The following TAFA4 variants were observed in gnomAD, a reference collection of about 807,000 sequenced individuals.
The protein encoded by TAFA4 is chemokine-like protein TAFA-4.
A neutral mutation model predicts 21.1 loss-of-function variants in TAFA4; 20 were observed. The observed-to-expected ratio is 0.95, with a 90% CI of 0.67 to 1.38. The LOEUF (loss-of-function observed/expected upper bound fraction) is 1.38, where lower values mean the gene tolerates loss of function less well. TAFA4 is among the 40% of genes most tolerant of loss of function. The pLI, the probability that TAFA4 is intolerant of heterozygous loss-of-function variation, is 0.00. For missense variants in TAFA4, 211 were observed against 180.9 expected, an observed-to-expected ratio of 1.17 and a Z score of -0.95; for synonymous variants, 71 against 67.4, an observed-to-expected ratio of 1.05 and a Z score of -0.26.
intron 3 of TAFA4, among the ~76,000 whole-genome samples, chr3:68,870,220 C>T (rs1277356442): frequency 1.2e-4 from 18 of 151,852 alleles, no homozygotes; most frequent in Non-Finnish European, 2.7e-4. Context: ...AAAAAAGAAA[C>T]ACGCCTATAC....
intron 1 of TAFA4, among the ~76,000 whole-genome samples, chr3:68,919,403 C>T (rs749734480): frequency 6.6e-6 from 1 of 152,088 alleles, no homozygotes; most frequent in African/African-American, 2.4e-5. Context: ...GAGTCTCGAG[C>T]CCCTGATCGA....
chr3:68,785,564 G>A (rs895296712), intron 3 of TAFA4, among the ~76,000 whole-genome samples: 20 of 152,234 alleles, frequency 1.3e-4, no homozygotes, highest in East Asian at 5.8e-4. Flanking sequence ...CTCCTAATGC[G>A]GGGCCCACCA....
At chr3:68,813,274 C>A (rs953053312) in intron 3 of TAFA4, among the ~76,000 whole-genome samples, 7 of 151,974 alleles carry the variant, frequency 4.6e-5, no homozygotes, top group African/African-American at 1.7e-4. Flanking sequence ...ACTAGAGAAG[C>A]AAGAGCAAAC....
At chr3:68,790,364 GAACA>G (rs1322066955) in intron 3 of TAFA4, among the ~76,000 whole-genome samples, 3 of 151,844 alleles carry the variant, frequency 2.0e-5, no homozygotes, top group Non-Finnish European at 4.4e-5. Context: ...CAGGAAATGG[GAACA>G]AAGAAGCAAA....
rs1455174346 is a variant in TAFA4 at position 68,819,282 on chromosome 3, A to ATTT, written c.130+61447_130+61448insAAA. Among the ~76,000 whole-genome samples the ATTT allele has an allele frequency of 3.8e-3, 571 of 150,162 alleles. 1 individual carries two copies. Among genetic ancestry groups the ATTT allele is most frequent in the Non-Finnish European group, 6.6e-3 (445 of 67,284 alleles). ...GAGACCCTGTCTTTAATTAAAAAAA[A>ATTT]AAAAAAAAAAAAAAAAAGCATCTGC... is the stretch of plus-strand genomic sequence containing the variant. On this transcript the variant is annotated intron_variant, in intron 3 of 5. Coordinates refer to ENST00000295569, the MANE Select transcript of TAFA4 (RefSeq NM_182522.5).
chr3:68,834,139 A>G (rs1051367702), intron 3 of TAFA4, among the ~76,000 whole-genome samples: 2 of 152,198 alleles, frequency 1.3e-5, no homozygotes, highest in African/African-American at 4.8e-5. Context: ...GGAACCTAGC[A>G]TTCAAAGATC....
chr3:68,733,497 G>C (rs1366630727), intron 5 of TAFA4, among the ~76,000 whole-genome samples: 1 of 152,048 alleles, frequency 6.6e-6, no homozygotes, highest in East Asian at 1.9e-4. Flanking sequence ...TCAAATAAAT[G>C]GTTGATTAAA....
At chr3:68,790,915 A>G (rs1703349423) in intron 3 of TAFA4, among the ~76,000 whole-genome samples, 1 of 152,170 alleles carries the variant, frequency 6.6e-6, no homozygotes, top group Non-Finnish European at 1.5e-5. Flanking sequence ...GCAACCCCCA[A>G]TGTGTGTAGT....
chr3:68,762,681 G>A (rs1373854231), intron 3 of TAFA4, among the ~76,000 whole-genome samples: 1 of 152,220 alleles, frequency 6.6e-6, no homozygotes, highest in Admixed American at 6.5e-5. Flanking sequence ...ATCTCTCAGT[G>A]ACTGTCTAAA....
At chr3:68,810,313 C>T (rs898679483) in intron 3 of TAFA4, among the ~76,000 whole-genome samples, 2 of 152,038 alleles carry the variant, frequency 1.3e-5, no homozygotes, top group African/African-American at 2.4e-5. Context: ...TGGGGAGTGT[C>T]GGACAGTGGG....
chr3:68,930,935 G>T (rs958647683), intron 1 of TAFA4, among the ~76,000 whole-genome samples: 2 of 152,058 alleles, frequency 1.3e-5, no homozygotes, highest in Non-Finnish European at 2.9e-5. Flanking sequence ...AAAATCCAAG[G>T]CCTTCCTGAA....
intron 3 of TAFA4, among the ~76,000 whole-genome samples, chr3:68,861,435 A>G (rs922261318): frequency 1.3e-5 from 2 of 152,030 alleles, no homozygotes; most frequent in Non-Finnish European, 2.9e-5. Flanking sequence ...TCGTTTTTTA[A>G]TCTTCTTTTG....
At chr3:68,734,253 C>T (rs1260211386) in intron 5 of TAFA4, among the ~76,000 whole-genome samples, 2 of 152,144 alleles carry the variant, frequency 1.3e-5, no homozygotes, top group Non-Finnish European at 1.5e-5. Context: ...AAAACCCAGT[C>T]TTAGCTCATG....
intron 3 of TAFA4, among the ~76,000 whole-genome samples, chr3:68,834,897 T>A (rs1704486183): frequency 6.6e-6 from 1 of 152,204 alleles, no homozygotes; most frequent in South Asian, 2.1e-4. Flanking sequence ...AATGAGTCTC[T>A]GTTTCTGCTC....
chr3:68,815,145 TC>T (rs1353363727), intron 3 of TAFA4, among the ~76,000 whole-genome samples: 1 of 152,104 alleles, frequency 6.6e-6, no homozygotes, highest in East Asian at 1.9e-4. Flanking sequence ...CTTCCTTACA[TC>T]TTATATAAAA....
chr3:68,842,130 C>T (rs951263924), intron 3 of TAFA4, among the ~76,000 whole-genome samples: 3 of 152,176 alleles, frequency 2.0e-5, no homozygotes, highest in Non-Finnish European at 2.9e-5. Context: ...ACACTGTCTT[C>T]CACAGTAGTT....
chr3:68,773,293 T>C (rs1233833590), intron 3 of TAFA4, among the ~76,000 whole-genome samples: 1 of 152,168 alleles, frequency 6.6e-6, no homozygotes, highest in Non-Finnish European at 1.5e-5. Context: ...TTCCATTTTA[T>C]TATAAAAGAT....
At chr3:68,835,191 C>T (rs560171390) in intron 3 of TAFA4, among the ~76,000 whole-genome samples, 6 of 152,252 alleles carry the variant, frequency 3.9e-5, no homozygotes, top group Admixed American at 3.3e-4. Context: ...TAAGGCCTTC[C>T]CTGGTGACCT....
chr3:68,770,324 T>C (rs1575601864), intron 3 of TAFA4, among the ~76,000 whole-genome samples: 2 of 152,294 alleles, frequency 1.3e-5, no homozygotes, highest in South Asian at 2.1e-4. Flanking sequence ...TAGAAAAGTT[T>C]GTGACAGCTC....
Sources: allele counts gnomAD v4.1 joint callset (sites outside exome capture counted in the v4.1 genomes callset), GRCh38; gene constraint gnomAD v4.1.1; transcripts MANE v1.5; gene names NCBI Gene and HGNC (gene_info 2026-07-23, HGNC 2026-07-21).